Variants in LUZP2 observed in about 807,000 individuals in gnomAD.
LUZP2 encodes the protein leucine zipper protein 2.
In LUZP2, 52 loss-of-function variants were observed where a neutral mutation model predicts 51.6. The observed-to-expected ratio is 1.01, with a 90% CI of 0.81 to 1.27. The LOEUF (loss-of-function observed/expected upper bound fraction) is 1.27. LUZP2 is among the 50% of genes most tolerant of loss of function. The probability of loss-of-function intolerance (pLI) is 0.00; values close to 1 mark genes in which losing one functional copy is unlikely to be tolerated. For synonymous variants in LUZP2, 154 were observed against 137.3 expected (o/e 1.12, Z -0.85); for missense variants, 436 against 395.4 (o/e 1.10, Z -0.87).
At chr11:24,713,649 C>T (rs1042022058) in intron 1 of LUZP2, among the ~76,000 whole-genome samples, 4 of 149,114 alleles carry the variant, frequency 2.7e-5, no homozygotes, top group African/African-American at 7.4e-5. Flanking sequence ...AGCTACACCA[C>T]GACACTCTAT....
chr11:24,506,565 A>C (rs2133764427), intron 1 of LUZP2, among the ~76,000 whole-genome samples: 1 of 152,186 alleles, frequency 6.6e-6, no homozygotes, highest in Admixed American at 6.6e-5. Context: ...ATATTGAAGT[A>C]TATCAAATCC....
At chr11:24,676,668 T>G (rs551761475) in intron 1 of LUZP2, among the ~76,000 whole-genome samples, 2,564 of 128,080 alleles carry the variant, frequency 0.02, 34 homozygotes, top group Non-Finnish European at 0.023. Flanking sequence ...TTTGTTTTTT[T>G]TTTGTTTGTT....
chr11:24,532,512 A>G (rs543130628), intron 1 of LUZP2, among the ~76,000 whole-genome samples: 3 of 151,192 alleles, frequency 2.0e-5, no homozygotes, highest in Non-Finnish European at 4.5e-5. Flanking sequence ...TATATGCACC[A>G]TGAACACTTT....
At chr11:24,995,212 G>T (rs1856456343) in intron 9 of LUZP2, among the ~76,000 whole-genome samples, 1 of 152,126 alleles carries the variant, frequency 6.6e-6, no homozygotes. Flanking sequence ...GGGCAACACG[G>T]CTCAATCCCA....
At chr11:24,852,850 CT>C (rs1035094950) in intron 5 of LUZP2, among the ~76,000 whole-genome samples, 1 of 152,004 alleles carries the variant, frequency 6.6e-6, no homozygotes, top group Non-Finnish European at 1.5e-5. Flanking sequence ...CTTTTTTGGT[CT>C]TTATTGGTTT....
At chr11:24,804,501 C>G (rs796277461) in intron 5 of LUZP2, among the ~76,000 whole-genome samples, 5 of 152,216 alleles carry the variant, frequency 3.3e-5, no homozygotes, top group African/African-American at 9.6e-5. Flanking sequence ...GGTTTGTTTA[C>G]TTGTTTGGAC....
At chr11:24,891,023 T>C (rs1323235622) in intron 5 of LUZP2, 2 of 983,528 alleles carry the variant, frequency 2.0e-6, no homozygotes, top group Non-Finnish European at 2.4e-6. Context: ...TCTACGTTTA[T>C]TCATGGAAGG....
chr11:24,772,498 CT>C (rs1022356623), intron 5 of LUZP2, among the ~76,000 whole-genome samples: 3 of 152,026 alleles, frequency 2.0e-5, no homozygotes, highest in East Asian at 1.9e-4. Context: ...TTATAACTTT[CT>C]TTTTTTTCAC....
rs182608466 is a variant in LUZP2 at position 24,502,324 on chromosome 11, G to A, written c.62+5019G>A. On this transcript the variant is annotated intron_variant, in intron 1 of 11. Transcript: ENST00000336930. ...GAATGATTGGTAGAGAAGAGAGGAA[G>A]TCAGAGGTATAATGGGGGTTATTTG... 8.8e-4 allele frequency among the ~76,000 whole-genome samples: 134 copies of A among 152,242 alleles called. 1 individual carries two copies. Among genetic ancestry groups the A allele is most frequent in the African/African-American group, 3.0e-3 (125 of 41,552 alleles).
rs985804877 is a variant in LUZP2, at chr11:24,820,588, A to G, written c.396+57280A>G. Among the ~76,000 whole-genome samples, 7 of 152,108 alleles carry G rather than the reference A, an allele frequency of 4.6e-5. 1 individual carries two copies. Among genetic ancestry groups the G allele is most frequent in the Non-Finnish European group, 1.0e-4 (7 of 67,994 alleles). ...CTAGTGATGAGATCTGAAAAATAAT[A>G]AATGTAGATAACTGACAGTAGGATT... On this transcript the variant is annotated intron_variant, in intron 5 of 11. Transcript: ENST00000336930.
intron 5 of LUZP2, among the ~76,000 whole-genome samples, chr11:24,878,432 G>A (rs778980257): frequency 7.2e-5 from 11 of 151,958 alleles, no homozygotes; most frequent in Non-Finnish European, 1.5e-4. Context: ...GAGCACCTTT[G>A]TATGTTATTT....
At chr11:24,568,622 A>C (rs2133793981) in intron 1 of LUZP2, among the ~76,000 whole-genome samples, 1 of 152,084 alleles carries the variant, frequency 6.6e-6, no homozygotes, top group East Asian at 1.9e-4. Flanking sequence ...TAAAATAAGA[A>C]TAGGAAAATT....
chr11:24,689,542 C>G (rs904726187), intron 1 of LUZP2, among the ~76,000 whole-genome samples: 3 of 152,106 alleles, frequency 2.0e-5, no homozygotes, highest in Non-Finnish European at 2.9e-5. Context: ...CAGCTGTGAC[C>G]AATTTCTATT....
At position 24,653,533 on chromosome 11, in the gene LUZP2, T is replaced by C. The variant is rs111432377; in HGVS notation, c.63-75636T>C. ...TATAAGTCCGAATTCAGTGAAGAGA[T>C]CCTATTTATACTAATTTGTGTGTCT... On this transcript the variant is annotated intron_variant, in intron 1 of 11. Coordinates refer to ENST00000336930, the MANE Select transcript of LUZP2 (RefSeq NM_001009909.4). 8.4e-3 allele frequency among the ~76,000 whole-genome samples: 1,277 copies of C among 152,220 alleles called. 20 individuals carry two copies. The highest frequency in any genetic ancestry group is 0.029 in the African/African-American group (1,203 of 41,530).
At chr11:24,805,158 G>A (rs557463835) in intron 5 of LUZP2, among the ~76,000 whole-genome samples, 47 of 152,066 alleles carry the variant, frequency 3.1e-4, no homozygotes, top group Non-Finnish European at 5.4e-4. Context: ...ATGGCAGAAG[G>A]CAAGGAGGAG....
intron 1 of LUZP2, among the ~76,000 whole-genome samples, chr11:24,593,163 C>T (rs572428530): frequency 6.6e-6 from 1 of 152,226 alleles, no homozygotes; most frequent in South Asian, 2.1e-4. Flanking sequence ...AAGTAAAAAT[C>T]AACTTTCCTC....
intron 5 of LUZP2, among the ~76,000 whole-genome samples, chr11:24,872,372 T>A (rs1188650901): frequency 6.6e-6 from 1 of 152,188 alleles, no homozygotes; most frequent in Non-Finnish European, 1.5e-5. Flanking sequence ...CTGTATTTGC[T>A]TGCTCTATTT....
chr11:24,792,578 T>A (rs893738095), intron 5 of LUZP2, among the ~76,000 whole-genome samples: 1 of 152,182 alleles, frequency 6.6e-6, no homozygotes, highest in Admixed American at 6.5e-5. Context: ...TGTTATAATC[T>A]CTGACCTACA....
In LUZP2 at chr11:24,728,165, C is replaced by A. The variant is rs144569307; in HGVS notation, c.63-1004C>A. On this transcript the variant is annotated intron_variant, in intron 1 of 11. Coordinates refer to ENST00000336930, the MANE Select transcript of LUZP2 (RefSeq NM_001009909.4). ...CAATTTTACAATTGAACTTGTCGAC[C>A]CATCTTTCACCAAAAACACTGTTCT... Among the ~76,000 whole-genome samples the A allele has an allele frequency of 2.2e-3, 332 of 151,934 alleles. 1 individual carries two copies. Among genetic ancestry groups the A allele is most frequent in the African/African-American group, 7.8e-3 (325 of 41,494 alleles).
Sources: gnomAD v4.1 joint callset for allele counts (sites outside exome capture counted in the v4.1 genomes callset) on GRCh38, gnomAD v4.1.1 for gene constraint, MANE v1.5 for transcripts, NCBI Gene and HGNC (gene_info 2026-07-23, HGNC 2026-07-21) for gene names.